Variants in DACH1 observed in about 807,000 individuals in gnomAD.
DACH1 encodes the protein dachshund family transcription factor 1.
In DACH1, 12 loss-of-function variants were observed where a neutral mutation model predicts 54.2. That is an observed-to-expected ratio of 0.22 (90% CI 0.14 to 0.36). The LOEUF is 0.36. Among genes scored for constraint, DACH1 ranks in the 10% least tolerant of loss-of-function variants. The probability of loss-of-function intolerance (pLI) is 1.00; values close to 1 mark genes in which losing one functional copy is unlikely to be tolerated. For synonymous variants in DACH1, 386 were observed against 366.2 expected, an observed-to-expected ratio of 1.05 and a Z score of -0.62; for missense variants, 805 against 929.8, an observed-to-expected ratio of 0.87 and a Z score of 1.75.
chr13:71,643,103 A>C (rs536189780), intron 2 of DACH1, among the ~76,000 whole-genome samples: 1 of 152,120 alleles, frequency 6.6e-6, no homozygotes, highest in Non-Finnish European at 1.5e-5. Context: ...GAAGTTATTA[A>C]ATATCATTTT....
intron 6 of DACH1, among the ~76,000 whole-genome samples, chr13:71,544,624 TG>T (rs1178002507): frequency 4.6e-5 from 7 of 152,294 alleles, no homozygotes; most frequent in Admixed American, 4.6e-4. Flanking sequence ...GGAATTGTAT[TG>T]TTCTAAATGC....
At chr13:71,450,937 G>C (rs1874982321) in intron 10 of DACH1, among the ~76,000 whole-genome samples, 1 of 151,848 alleles carries the variant, frequency 6.6e-6, no homozygotes, top group African/African-American at 2.4e-5. Flanking sequence ...CCCCAAATGG[G>C]GTCGAAATCT....
intron 1 of DACH1, among the ~76,000 whole-genome samples, chr13:71,717,759 T>C (rs545203349): frequency 1.1e-4 from 16 of 152,108 alleles, no homozygotes; most frequent in South Asian, 2.1e-4. Context: ...ATGTATGCCA[T>C]TGAATATACC....
intron 3 of DACH1, among the ~76,000 whole-genome samples, chr13:71,586,795 C>A (rs1052621385): frequency 6.6e-6 from 1 of 152,016 alleles, no homozygotes; most frequent in African/African-American, 2.4e-5. Flanking sequence ...TTTTCTCTTC[C>A]TCATCAAAGC....
At chr13:71,532,830 T>G (rs779629617) in intron 6 of DACH1, among the ~76,000 whole-genome samples, 19 of 151,984 alleles carry the variant, frequency 1.3e-4, no homozygotes, top group Non-Finnish European at 2.4e-4. Context: ...ATAAATATAT[T>G]TCACTGTTAG....
chr13:71,776,273 C>T (rs1886062744), intron 1 of DACH1, among the ~76,000 whole-genome samples: 1 of 152,020 alleles, frequency 6.6e-6, no homozygotes, highest in African/African-American at 2.4e-5. Context: ...TATGAAGTCA[C>T]TTTTTACTGC....
At chr13:71,837,563 T>C (rs1888843326) in intron 1 of DACH1, among the ~76,000 whole-genome samples, 3 of 152,126 alleles carry the variant, frequency 2.0e-5, no homozygotes, top group Admixed American at 1.3e-4. Context: ...ACACGGCTTA[T>C]ATTCCTTTTC....
chr13:71,767,317 T>C (rs1885679636), intron 1 of DACH1, among the ~76,000 whole-genome samples: 1 of 152,048 alleles, frequency 6.6e-6, no homozygotes, highest in Non-Finnish European at 1.5e-5. Flanking sequence ...GTTTCTGCTA[T>C]TATGTGAAAA....
At chr13:71,627,534 G>T (rs767572652) in intron 3 of DACH1, among the ~76,000 whole-genome samples, 1 of 152,000 alleles carries the variant, frequency 6.6e-6, no homozygotes, top group African/African-American at 2.4e-5. Flanking sequence ...AGATTCATGA[G>T]AGCAGTCTGT....
At position 71,472,801 on chromosome 13, in the gene DACH1, T is replaced by A. The variant is rs532551029; in HGVS notation, c.2083+2340A>T. Among the ~76,000 whole-genome samples the A allele has an allele frequency of 9.2e-5, 14 of 152,342 alleles. No individual in the cohort carries two copies. In the South Asian group the frequency reaches 2.9e-3, roughly 32 times the overall value. ...ATTAGTAATGAGTTCTGGTTCTTTC[T>A]TTTTTGCCTTTCCCTTTCTTGTCCT... On this transcript the variant is annotated intron_variant, in intron 10 of 10. Transcript: ENST00000613252.
At position 71,472,897 on chromosome 13, in the gene DACH1, T is replaced by C. The variant is rs1022427166; in HGVS notation, c.2083+2244A>G. Reference sequence around the variant, plus strand: ...TGTTCACAGTTAATTGTATTCTGTTTGTTAGCTTCCAAATGTATGAATTTT... The same window carrying C: ...TGTTCACAGTTAATTGTATTCTGTTCGTTAGCTTCCAAATGTATGAATTTT... On this transcript the variant is annotated intron_variant, in intron 10 of 10. Transcript: ENST00000613252. Among the ~76,000 whole-genome samples the C allele has an allele frequency of 9.2e-5, 14 of 152,346 alleles. 1 individual carries two copies. In the East Asian group the frequency reaches 2.1e-3, roughly 23 times the overall value.
chr13:71,517,950 T>C (rs2138273221), intron 6 of DACH1, among the ~76,000 whole-genome samples: 1 of 152,006 alleles, frequency 6.6e-6, no homozygotes, highest in East Asian at 1.9e-4. Flanking sequence ...CAGTTTTAAA[T>C]AGTGAGCCTA....
chr13:71,687,896 C>A (rs1881265069), intron 1 of DACH1, among the ~76,000 whole-genome samples: 1 of 152,194 alleles, frequency 6.6e-6, no homozygotes, highest in Non-Finnish European at 1.5e-5. Context: ...GTGTGAGCCA[C>A]CGCACCCCAA....
At chr13:71,551,149 G>A (rs937381598) in intron 6 of DACH1, among the ~76,000 whole-genome samples, 2 of 151,788 alleles carry the variant, frequency 1.3e-5, no homozygotes, top group Non-Finnish European at 2.9e-5. Context: ...AAAGAAAAAA[G>A]CCATTTGTTT....
rs188131765 is a variant in DACH1, at chr13:71,597,375, A to T, written c.1127-24363T>A. 2.5e-3 allele frequency among the ~76,000 whole-genome samples: 382 copies of T among 152,342 alleles called. 2 individuals carry two copies. Among genetic ancestry groups the T allele is most frequent in the South Asian group, 0.016 (75 of 4,832 alleles). On this transcript the variant is annotated intron_variant, in intron 3 of 10. Coordinates refer to ENST00000613252, the MANE Select transcript of DACH1 (RefSeq NM_080759.6). The stretch of plus-strand genomic sequence containing the variant: ...CACAATAAGTATACATAATTTTTTT[A>T]AATTTAAACATAATAGAAATGAAAA...
intron 1 of DACH1, among the ~76,000 whole-genome samples, chr13:71,791,768 AG>A (rs1449664179): frequency 6.6e-6 from 1 of 152,226 alleles, no homozygotes; most frequent in Admixed American, 6.5e-5. Context: ...TGGGCAATAA[AG>A]TTTCATCAAA....
intron 10 of DACH1, chr13:71,464,563 A>T (rs1426313521): frequency 2.3e-6 from 1 of 431,814 alleles, no homozygotes; most frequent in Non-Finnish European, 4.6e-6. Flanking sequence ...CTCTCAGCAC[A>T]AAATTCCTTT....
intron 6 of DACH1, among the ~76,000 whole-genome samples, chr13:71,493,800 A>G (rs1879186642): frequency 6.6e-6 from 1 of 152,128 alleles, no homozygotes; most frequent in Non-Finnish European, 1.5e-5. Context: ...ATGAAGAGTA[A>G]CAATGTATCA....
chr13:71,629,520 G>T (rs1297263959), intron 3 of DACH1, among the ~76,000 whole-genome samples: 2 of 152,078 alleles, frequency 1.3e-5, no homozygotes, highest in Non-Finnish European at 2.9e-5. Flanking sequence ...TCATGTCTGT[G>T]TATGTTTCCA....
Sources: allele counts gnomAD v4.1 joint callset (sites outside exome capture counted in the v4.1 genomes callset), GRCh38; gene constraint gnomAD v4.1.1; transcripts MANE v1.5; gene names NCBI Gene and HGNC (gene_info 2026-07-23, HGNC 2026-07-21).